ITGA4: variants seen among roughly 807,000 people sequenced by gnomAD.
ITGA4 encodes the protein integrin alpha-4.
Under a neutral mutation model 133.6 loss-of-function variants are expected in ITGA4, and 63 were observed. That is an observed-to-expected ratio of 0.47 (90% CI 0.38 to 0.58). The LOEUF (loss-of-function observed/expected upper bound fraction) is 0.58. Among genes scored for constraint, ITGA4 ranks in the 20% least tolerant of loss-of-function variants. The pLI, the probability that ITGA4 is intolerant of heterozygous loss-of-function variation, is 0.00. For missense variants in ITGA4, 1,076 were observed against 1,252.7 expected (o/e 0.86, Z 2.13); for synonymous variants, 483 against 438.0 (o/e 1.10, Z -1.28).
intron 7 of ITGA4, 104 bp downstream of exon 7, chr2:181,481,787 T>C (rs895571219): frequency 2.2e-6 from 1 of 449,364 alleles, no homozygotes; most frequent in Non-Finnish European, 4.0e-6. Context: ...AAAGAAAGAT[T>C]AGAAATGATG....
intron 25 of ITGA4, among the ~76,000 whole-genome samples, chr2:181,532,321 C>G (rs556166554): frequency 2.6e-5 from 4 of 152,078 alleles, no homozygotes; most frequent in Non-Finnish European, 5.9e-5. Flanking sequence ...TGGGAGTAGC[C>G]TTGAATCTGT....
In ITGA4 at chr2:181,537,321, A is replaced by G. The variant is rs1015561218; in HGVS notation, c.*1794A>G. 6.6e-6 allele frequency: 3 copies of G among 453,488 alleles called. No individual in the cohort carries two copies. The highest frequency in any genetic ancestry group is 2.4e-5 in the Admixed American group (1 of 42,514). The allele number at this position is 453,488 out of a possible 1,614,324, so 28.1% of individuals were successfully genotyped here. A position where few individuals can be genotyped will look rare whatever the true frequency, so the allele number is the denominator to read the frequency against. The stretch of plus-strand genomic sequence containing the variant: ...CAGGTTATCTGAGCACAGTGAAAGC[A>G]GAGTACTATGGTTGTCCAACACAGG... On this transcript the variant is annotated 3_prime_UTR_variant, in exon 28 of 28. Transcript: ENST00000397033.
chr2:181,537,904 C>T lies in ITGA4; in HGVS notation c.*2377C>T. On this transcript the variant is annotated 3_prime_UTR_variant, in exon 28 of 28. Coordinates refer to ENST00000397033, the MANE Select transcript of ITGA4 (RefSeq NM_000885.6). Reference sequence around the variant, plus strand: ...AGCAATGGAGCATTACTGAGTTCCTCCCCCTGTCAGATCAGCAGCAGCATT... The same window carrying T: ...AGCAATGGAGCATTACTGAGTTCCTTCCCCTGTCAGATCAGCAGCAGCATT... 1 of 566,076 alleles carries T rather than the reference C, an allele frequency of 1.8e-6. No individual in the cohort carries two copies. Among genetic ancestry groups the T allele is most frequent in the Non-Finnish European group, 3.4e-6 (1 of 298,362 alleles). 35.1% of individuals were successfully genotyped at this position (566,076 alleles called of 1,614,324 possible).
rs1458563481 is a variant in ITGA4, at chr2:181,493,420, G to T, written c.1248+1G>T. ...TGGGATCTCGTCAACCTTCTCACAG[G>T]TAAGGTACTATTCTATTTCCAAAAG... On this transcript the variant is annotated splice_donor_variant, in intron 11 of 27. Coordinates refer to ENST00000397033, the MANE Select transcript of ITGA4 (RefSeq NM_000885.6). LOFTEE classifies it high-confidence loss of function. The T allele has an allele frequency of 6.3e-7, 1 of 1,577,262 alleles. No homozygotes were observed. Among genetic ancestry groups the T allele is most frequent in the Non-Finnish European group, 8.7e-7 (1 of 1,148,198 alleles).
Position 181,529,606 on chromosome 2 carries a change from T to C in ITGA4, c.2496T>C (p.Phe832=). 6.2e-7 allele frequency: 1 copy of C among 1,608,210 alleles called. No homozygotes were observed. Among genetic ancestry groups the C allele is most frequent in the Non-Finnish European group, 8.5e-7 (1 of 1,174,966 alleles). Residue 832 remains phenylalanine (F), a synonymous_variant, in exon 23 of 28, where the codon TTT becomes TTC. Transcript: ENST00000397033. ...TGGAAATAATGGTACCAAATTCTTT[T>C]AGCCCCCAAACTGATAAGCTGTTCA... The part of the protein sequence containing the change: ...VSVEIMVPNS[F]SPQTDKLFNI...
intron 6 of ITGA4, among the ~76,000 whole-genome samples, 192 bp downstream of exon 6, chr2:181,480,458 C>T (rs1574386142): frequency 6.6e-6 from 1 of 152,020 alleles, no homozygotes; most frequent in Non-Finnish European, 1.5e-5. Context: ...TTTACATTTA[C>T]ACATGTGACT....
intron 4 of ITGA4, chr2:181,476,010 G>T (rs573313693): frequency 4.6e-6 from 5 of 1,087,458 alleles, no homozygotes; most frequent in Admixed American, 3.5e-5. Context: ...CCCTCAGCAC[G>T]CAAAGAAAAA....
intron 16 of ITGA4, among the ~76,000 whole-genome samples, chr2:181,510,384 T>A (rs1233101639): frequency 6.6e-6 from 1 of 152,124 alleles, no homozygotes; most frequent in African/African-American, 2.4e-5. Flanking sequence ...GTTTTCTAAA[T>A]TATCTCAAAA....
intron 4 of ITGA4, among the ~76,000 whole-genome samples, chr2:181,478,049 AAAG>A (rs1463795975): frequency 6.6e-6 from 1 of 152,206 alleles, no homozygotes; most frequent in South Asian, 2.1e-4. Context: ...AGCCTTTAAA[AAAG>A]GAAATTCTGA....
At chr2:181,487,557 T>A in intron 10 of ITGA4, among the ~76,000 whole-genome samples, 1 of 152,208 alleles carries the variant, frequency 6.6e-6, no homozygotes, top group Non-Finnish European at 1.5e-5. Flanking sequence ...TTCAGAAGTG[T>A]GCAGTTTTAA....
chr2:181,491,023 A>G (rs1051073361), intron 10 of ITGA4, among the ~76,000 whole-genome samples: 2 of 152,348 alleles, frequency 1.3e-5, no homozygotes, highest in Non-Finnish European at 2.9e-5. Context: ...TTCTCATTTG[A>G]ATAATGATAG....
intron 16 of ITGA4, 88 bp from the exon 17 acceptor site, chr2:181,511,611 T>G: frequency 1.5e-6 from 1 of 660,566 alleles, no homozygotes; most frequent in East Asian, 2.7e-5. Flanking sequence ...ATTTTTCTCA[T>G]GCATCACAGG....
At chr2:181,479,266 A>G (rs1302382091) in intron 5 of ITGA4, 1 of 152,128 alleles carries the variant, frequency 6.6e-6, no homozygotes, top group Non-Finnish European at 1.5e-5. Context: ...CAGATAGACA[A>G]TATTCCCAAG....
At chr2:181,513,262 G>A (rs549312901) in intron 17 of ITGA4, among the ~76,000 whole-genome samples, 2 of 152,026 alleles carry the variant, frequency 1.3e-5, no homozygotes, top group Non-Finnish European at 2.9e-5. Flanking sequence ...CTAAACCAGT[G>A]TCTCTTGAGT....
chr2:181,482,252 G>A (rs1354701841), intron 7 of ITGA4, 108 bp from the exon 8 acceptor site: 4 of 1,088,342 alleles, frequency 3.7e-6, no homozygotes, highest in South Asian at 3.4e-5. Context: ...TTATATTTGA[G>A]CAATTAACTG....
In ITGA4 at chr2:181,493,438, T is replaced by G; in HGVS notation, c.1248+19T>G. The G allele has an allele frequency of 6.7e-7, 1 of 1,481,494 alleles. No individual in the cohort carries two copies. The allele number at this position is 1,481,494 out of a possible 1,614,324, so 91.8% of individuals were successfully genotyped here. On this transcript the variant is annotated intron_variant, in intron 11 of 27. Transcript: ENST00000397033. ...CTCACAGGTAAGGTACTATTCTATT[T>G]CCAAAAGAAGCATTGGTTATAATGC...
At chr2:181,475,336 A>AC (rs1411358626) in intron 4 of ITGA4, 48 bp downstream of exon 4, 6 of 1,434,414 alleles carry the variant, frequency 4.2e-6, no homozygotes, top group Non-Finnish European at 4.9e-6. Flanking sequence ...GTAAGTGAAT[A>AC]CCTTTTAGTG....
At chr2:181,484,710 G>GT (rs1259446079) in intron 9 of ITGA4, among the ~76,000 whole-genome samples, 2 of 152,202 alleles carry the variant, frequency 1.3e-5, no homozygotes, top group African/African-American at 4.8e-5. Context: ...CAGGATCTTT[G>GT]TGAAGACACC....
At chr2:181,466,271 T>G (rs1048135097) in intron 2 of ITGA4, among the ~76,000 whole-genome samples, 1 of 151,980 alleles carries the variant, frequency 6.6e-6, no homozygotes, top group Non-Finnish European at 1.5e-5. Context: ...CCTCTTGAAC[T>G]CTTTCTAAAT....
Sources: gnomAD v4.1 joint callset for allele counts (sites outside exome capture counted in the v4.1 genomes callset) on GRCh38, gnomAD v4.1.1 for gene constraint, MANE v1.5 for transcripts, NCBI Gene and HGNC (gene_info 2026-07-23, HGNC 2026-07-21) for gene names.